Variants in ADGRE2 observed in about 807,000 individuals in gnomAD.
ADGRE2 encodes the protein adhesion G protein-coupled receptor E2.
Under a neutral mutation model 100.8 loss-of-function variants are expected in ADGRE2, and 83 were observed. That is an observed-to-expected ratio of 0.82 (90% CI 0.69 to 0.99). The LOEUF (loss-of-function observed/expected upper bound fraction) is 0.99, where lower values mean the gene tolerates loss of function less well. ADGRE2 is among the 50% of genes least tolerant of loss of function. The pLI is 0.00. For synonymous variants in ADGRE2, 355 were observed against 413.0 expected (o/e 0.86, Z 1.70); for missense variants, 814 against 1,035.7 (o/e 0.79, Z 2.94).
chr19:14,764,728 G>T, intron 10 of ADGRE2, 118 bp from the exon 11 acceptor site: 1 of 1,131,454 alleles, frequency 8.8e-7, no homozygotes, highest in Non-Finnish European at 1.2e-6. Flanking sequence ...GGATGAAGAT[G>T]GCATTGGCGG....
At chr19:14,767,640 C>T (rs1343070658) in intron 5 of ADGRE2, among the ~76,000 whole-genome samples, 2 of 152,192 alleles carry the variant, frequency 1.3e-5, no homozygotes, top group East Asian at 3.9e-4. Context: ...GAGTCCTCCC[C>T]ATCTCCCCTG....
chr19:14,725,048 A>G, the ADGRE2 span, among the ~76,000 whole-genome samples: 1 of 152,236 alleles, frequency 6.6e-6, no homozygotes, highest in Non-Finnish European at 1.5e-5. Context: ...AGGCTCTACA[A>G]GCATGGCACC....
chr19:14,754,551 G>C (rs759412637), intron 14 of ADGRE2, among the ~76,000 whole-genome samples: 2 of 152,068 alleles, frequency 1.3e-5, no homozygotes, highest in Non-Finnish European at 2.9e-5. Context: ...GGGATTCTGC[G>C]TGAGGAAATT....
rs552675510 is a variant in ADGRE2 at position 14,765,873 on chromosome 19, C to A, written c.635-69G>T. 2.9e-4 allele frequency: 474 copies of A among 1,611,952 alleles called. No individual in the cohort carries two copies. In the Admixed American group the frequency reaches 7.6e-3, roughly 26 times the overall value. On this transcript the variant is annotated intron_variant, in intron 7 of 20. Coordinates refer to ENST00000315576, the MANE Select transcript of ADGRE2 (RefSeq NM_013447.4). ...GAGGGTCCTGTCTCCTGTCTGTGCCCCCAGCTCGTTCCTCCCGGCATTAGT... is the reference window on the plus strand; with the variant it reads ...GAGGGTCCTGTCTCCTGTCTGTGCCACCAGCTCGTTCCTCCCGGCATTAGT...
chr19:14,743,497 T>TCC lies in ADGRE2; in HGVS notation c.2384_2385dup (p.Ile796GlyfsTer5), dbSNP rs1568580947. On this transcript the variant is annotated frameshift_variant, in exon 20 of 21. Transcript: ENST00000315576. LOFTEE classifies it high-confidence loss of function. ...TCAGACTCAGTTTTCAATTTCCTGATCCCTTTGGACCATTTCCCATATTGC... is the reference window on the plus strand; with the variant it reads ...TCAGACTCAGTTTTCAATTTCCTGATCCCCCTTTGGACCATTTCCCATATTGC... 6.2e-7 allele frequency: 1 copy of TCC among 1,614,092 alleles called. No individual in the cohort carries two copies. Among genetic ancestry groups the TCC allele is most frequent in the Admixed American group, 1.7e-5 (1 of 60,012 alleles).
At position 14,771,097 on chromosome 19, in the gene ADGRE2, T is replaced by C. The variant is rs563271467; in HGVS notation, c.355+1245A>G. Reference sequence around the variant, plus strand: ...GAACCAGCCCCCCTGCTGGGCTCTATGCAGCTGCGTGCTCTCAGAACGTAC... The same window carrying C: ...GAACCAGCCCCCCTGCTGGGCTCTACGCAGCTGCGTGCTCTCAGAACGTAC... On this transcript the variant is annotated intron_variant, in intron 5 of 20. Transcript: ENST00000315576. Among the ~76,000 whole-genome samples, 128 of 152,270 alleles carry C rather than the reference T, an allele frequency of 8.4e-4. 1 individual carries two copies. Among genetic ancestry groups the C allele is most frequent in the African/African-American group, 3.1e-3 (127 of 41,554 alleles).
chr19:14,752,970 C>T (rs969039811), intron 14 of ADGRE2, among the ~76,000 whole-genome samples: 1 of 152,048 alleles, frequency 6.6e-6, no homozygotes, highest in Non-Finnish European at 1.5e-5. Context: ...CAGGGTCACA[C>T]CATGTTGGCC....
intron 4 of ADGRE2, among the ~76,000 whole-genome samples, chr19:14,773,047 C>A (rs2044268578): frequency 7.2e-6 from 1 of 138,088 alleles, no homozygotes; most frequent in Admixed American, 7.7e-5. Flanking sequence ...CCACTGCACT[C>A]CTCAGCCTGA....
Position 14,743,513 on chromosome 19 carries a change from C to G in ADGRE2, c.2370G>C (p.Gly790=). Residue 790 remains glycine, a synonymous_variant, in exon 20 of 21, where the codon GGG becomes GGC. Transcript: ENST00000315576. The part of the protein sequence containing the change: ...LLSQQVREQY[G]KWSKGIRKLK... ...ATTTCCTGATCCCTTTGGACCATTT[C>G]CCATATTGCTCCCGGACCTGCAGAG... The G allele has an allele frequency of 6.2e-7, 1 of 1,614,102 alleles. No individual in the cohort carries two copies. The highest frequency in any genetic ancestry group is 2.2e-5 in the East Asian group (1 of 44,882).
rs1326103220 is a variant in ADGRE2, at chr19:14,746,252, C to CACTT, written c.2159_2162dup (p.Thr723ValfsTer12). 4 of 1,604,546 alleles carry CACTT rather than the reference C, an allele frequency of 2.5e-6. No individual in the cohort carries two copies. The highest frequency in any genetic ancestry group is 3.4e-6 in the Non-Finnish European group (4 of 1,171,720). The stretch of plus-strand genomic sequence containing the variant: ...CTTACCTTGTGTTCCGGAGGGTGGA[C>CACTT]ACTTCACTATTGAGGGAGGAGAGTC... On this transcript the variant is annotated frameshift_variant, in exon 18 of 21. Transcript: ENST00000315576. LOFTEE classifies it high-confidence loss of function.
At chr19:14,767,683 T>A (rs1323370372) in intron 5 of ADGRE2, among the ~76,000 whole-genome samples, 1 of 152,196 alleles carries the variant, frequency 6.6e-6, no homozygotes, top group East Asian at 1.9e-4. Flanking sequence ...GGGGCAGGGA[T>A]GTCCCAGCCT....
In ADGRE2 at chr19:14,776,825, G is replaced by A. The variant is rs1005746720; in HGVS notation, c.-69C>T. 70 of 1,601,376 alleles carry A rather than the reference G, an allele frequency of 4.4e-5. No individual in the cohort carries two copies. The East Asian group carries it at 5.7e-4, about 13-fold the overall frequency. On this transcript the variant is annotated 5_prime_UTR_variant, in exon 2 of 21. Coordinates refer to ENST00000315576, the MANE Select transcript of ADGRE2 (RefSeq NM_013447.4). ...AGTGGGACAGGGCTGTCCCGTCTCC[G>A]CAGGCTGGGCAGCTGTGCGGGCTGT...
Position 14,776,873 on chromosome 19 carries a change from G to T in ADGRE2, c.-117C>A. On this transcript the variant is annotated 5_prime_UTR_variant, in exon 2 of 21. Coordinates refer to ENST00000315576, the MANE Select transcript of ADGRE2 (RefSeq NM_013447.4). ...TGTCCCGAGGCCAGGACTTTATAAA[G>T]GAGGGGGGGCGGACAGCCGCTGGCC... 1 of 1,539,524 alleles carries T rather than the reference G, an allele frequency of 6.5e-7. No homozygotes were observed. Among genetic ancestry groups the T allele is most frequent in the South Asian group, 1.2e-5 (1 of 83,566 alleles).
chr19:14,765,360 C>T lies in ADGRE2; in HGVS notation c.866G>A (p.Gly289Asp). The change falls in exon 10 of 21, where the codon GGC (glycine) becomes GAC (aspartate). Residue 289 changes from glycine to aspartate, a missense_variant. Around this residue, in one of 5 missense-constraint regions of ADGRE2, gnomAD observed 569 missense variants for 692.7 expected, o/e 0.82. Transcript: ENST00000315576. ...SRFFDKVQDL[G>D]RDYKPGLANN... ...GGCCAAGCCTGGCTTGTAGTCTCTG[C>T]CCAGGTCCTGGACTTTGTCGAAGAA... is the stretch of plus-strand genomic sequence containing the variant. 6.2e-7 allele frequency: 1 copy of T among 1,614,162 alleles called. No homozygotes were observed. The highest frequency in any genetic ancestry group is 8.5e-7 in the Non-Finnish European group (1 of 1,180,034).
chr19:14,770,669 C>CTTTTTTTTTTTTTGTTTTTTTTTTTTT (rs2044166164), intron 5 of ADGRE2, among the ~76,000 whole-genome samples: 1 of 85,012 alleles, frequency 1.2e-5, no homozygotes, highest in Non-Finnish European at 2.3e-5. Flanking sequence ...TCTTTCTTTT[C>CTTTTTTTTTTTTTGTTTTTTTTTTTTT]TTTTTTTTTT....
rs113941589 is a variant in ADGRE2, at chr19:14,751,541, T to C, written c.1919A>G (p.Asn640Ser). The change falls in exon 16 of 21, where the codon AAC becomes AGC. Residue 640 changes from asparagine to serine, a missense_variant. Asn to Ser is a conservative substitution (Grantham distance 46). This residue lies in a region of ADGRE2 where 569 missense variants were observed against 692.7 expected (regional missense o/e 0.82). Transcript: ENST00000315576. ...NLTVVNYSSI[N>S]RFMKKLMFPV... ...GAACATGAGCTTCTTCATGAATCTG[T>C]TGATGCTTGAGTAGTTGACCACCGT... 2.7e-4 allele frequency: 437 copies of C among 1,614,068 alleles called. 1 individual carries two copies. The African/African-American group carries it at 5.4e-3, about 20-fold the overall frequency.
chr19:14,760,842 A>G (rs1212511240), intron 11 of ADGRE2, among the ~76,000 whole-genome samples: 2 of 152,154 alleles, frequency 1.3e-5, no homozygotes, highest in Non-Finnish European at 2.9e-5. Flanking sequence ...AACATTTACC[A>G]TCTATTCTCT....
intron 4 of ADGRE2, among the ~76,000 whole-genome samples, chr19:14,773,102 A>G (rs1333650123): frequency 2.0e-5 from 3 of 149,606 alleles, no homozygotes; most frequent in African/African-American, 7.4e-5. Context: ...AAAAAAACAA[A>G]AAAAAAAAGA....
intron 18 of ADGRE2, 79 bp from the exon 19 acceptor site, chr19:14,743,863 C>A (rs897734041): frequency 8.2e-7 from 1 of 1,224,770 alleles, no homozygotes; most frequent in Admixed American, 2.0e-5. Flanking sequence ...CCCATGGAGT[C>A]CCCTGCCCTC....
Sources: allele counts gnomAD v4.1 joint callset (sites outside exome capture counted in the v4.1 genomes callset), GRCh38; gene constraint gnomAD v4.1.1; regional missense constraint gnomAD v4.1.1; transcripts MANE v1.5; gene names NCBI Gene and HGNC (gene_info 2026-07-23, HGNC 2026-07-21).